The following AGBL1 variants were observed in gnomAD, a reference collection of about 807,000 sequenced individuals.
AGBL1 encodes AGBL carboxypeptidase 1, also known as cytosolic carboxypeptidase 4.
In AGBL1, 130 loss-of-function variants were observed where a neutral mutation model predicts 118.9. The observed-to-expected ratio is 1.09, with a 90% CI of 0.95 to 1.26. The LOEUF is 1.26. Ranked by LOEUF, AGBL1 falls within the 50% of genes most tolerant of loss-of-function variation. The pLI is 0.00. For missense variants in AGBL1, 1,584 were observed against 1,298.1 expected (o/e 1.22, Z -3.38); for synonymous variants, 555 against 478.9 (o/e 1.16, Z -2.08).
chr15:86,832,034 G>A (rs1473884583), intron 22 of AGBL1, among the ~76,000 whole-genome samples: 2 of 152,244 alleles, frequency 1.3e-5, no homozygotes, highest in East Asian at 1.9e-4. Context: ...CTTGGGGCTT[G>A]CACCCTCTGA....
chr15:86,572,186 G>C (rs958945015), intron 21 of AGBL1, among the ~76,000 whole-genome samples: 4 of 152,166 alleles, frequency 2.6e-5, no homozygotes, highest in Non-Finnish European at 2.9e-5. Context: ...CCCGCAGGGG[G>C]AAGTGCCGGC....
At chr15:86,573,814 A>T (rs2084043958) in intron 21 of AGBL1, among the ~76,000 whole-genome samples, 1 of 152,114 alleles carries the variant, frequency 6.6e-6, no homozygotes, top group Non-Finnish European at 1.5e-5. Context: ...AATGTTTCAA[A>T]CTCCTCAGAC....
At chr15:86,923,141 C>A (rs2080497011) in intron 23 of AGBL1, among the ~76,000 whole-genome samples, 1 of 152,160 alleles carries the variant, frequency 6.6e-6, no homozygotes, top group African/African-American at 2.4e-5. Context: ...CGCTCTCATC[C>A]CTTGTCTCTC....
At chr15:86,104,215 T>TACTCTGGC (rs2141511309) in intron 1 of AGBL1, among the ~76,000 whole-genome samples, 1 of 152,234 alleles carries the variant, frequency 6.6e-6, no homozygotes, top group South Asian at 2.1e-4. Context: ...GGTGGGTGTG[T>TACTCTGGC]CCTCTGGCCC....
At chr15:86,958,924 A>G (rs1258129474) in intron 23 of AGBL1, among the ~76,000 whole-genome samples, 2 of 152,186 alleles carry the variant, frequency 1.3e-5, no homozygotes, top group Non-Finnish European at 2.9e-5. Context: ...GAAGGAAGCA[A>G]ATATTGCAAA....
chr15:86,605,366 T>C (rs2084560909), intron 21 of AGBL1, among the ~76,000 whole-genome samples: 1 of 152,194 alleles, frequency 6.6e-6, no homozygotes, highest in African/African-American at 2.4e-5. Flanking sequence ...CAGCATGCTT[T>C]GCTTTTTGAT....
intron 17 of AGBL1, among the ~76,000 whole-genome samples, chr15:86,377,854 A>G (rs1020219873): frequency 6.6e-6 from 1 of 152,200 alleles, no homozygotes; most frequent in African/African-American, 2.4e-5. Context: ...TAACGTGAGC[A>G]GGTATTATTC....
chr15:86,765,054 A>T (rs1223875207), intron 22 of AGBL1, among the ~76,000 whole-genome samples: 1 of 151,948 alleles, frequency 6.6e-6, no homozygotes, highest in East Asian at 1.9e-4. Flanking sequence ...GGAAAAATCC[A>T]TTAGGTATAG....
intron 21 of AGBL1, among the ~76,000 whole-genome samples, chr15:86,612,708 A>T (rs934917461): frequency 6.6e-6 from 1 of 152,130 alleles, no homozygotes; most frequent in South Asian, 2.1e-4. Context: ...GAAAATTTGC[A>T]CTCGGTAGAG....
chr15:86,440,243 A>C (rs994946555), intron 18 of AGBL1, among the ~76,000 whole-genome samples: 5 of 152,170 alleles, frequency 3.3e-5, no homozygotes, highest in Admixed American at 1.3e-4. Context: ...TGCTATTTTC[A>C]TGAGGGATGG....
rs1310308649 is a variant in AGBL1 at position 86,913,397 on chromosome 15, C to A, written c.*6103C>A. ...GAAGACGGGACTCATCTCTCATTAG[C>A]ATGTGACATAAACTGTACTTGAAGT... On this transcript the variant is annotated 3_prime_UTR_variant, in exon 23 of 23. Transcript: ENST00000614907. 1 of 152,180 alleles carries A rather than the reference C, an allele frequency of 6.6e-6. No individual in the cohort carries two copies. The highest frequency in any genetic ancestry group is 1.5e-5 in the Non-Finnish European group (1 of 68,064). 9.4% of individuals were successfully genotyped at this position (152,180 alleles called of 1,614,324 possible).
chr15:86,420,015 G>A (rs1758977796), intron 18 of AGBL1, among the ~76,000 whole-genome samples: 1 of 152,214 alleles, frequency 6.6e-6, no homozygotes, highest in Non-Finnish European at 1.5e-5. Context: ...GCACCTGGGG[G>A]AAGGGGTGGC....
chr15:86,674,184 T>C, intron 21 of AGBL1, 89 bp from the exon 22 acceptor site: 2 of 1,217,178 alleles, frequency 1.6e-6, no homozygotes, highest in Admixed American at 2.2e-5. Context: ...AAAATGCCTG[T>C]GTGTAGAAGT....
chr15:86,545,839 C>G (rs1052699247), intron 19 of AGBL1, among the ~76,000 whole-genome samples, 163 bp from the exon 20 acceptor site: 2 of 152,138 alleles, frequency 1.3e-5, no homozygotes, highest in African/African-American at 4.8e-5. Context: ...CCAAAGACAC[C>G]AGTGATCCGC....
intron 21 of AGBL1, among the ~76,000 whole-genome samples, chr15:86,567,903 A>T (rs1359703648): frequency 1.3e-5 from 2 of 152,160 alleles, no homozygotes; most frequent in African/African-American, 4.8e-5. Context: ...GAGACCAGTT[A>T]CTGAGAGACT....
At chr15:86,396,583 A>G (rs951024094) in intron 17 of AGBL1, among the ~76,000 whole-genome samples, 1 of 152,102 alleles carries the variant, frequency 6.6e-6, no homozygotes, top group Non-Finnish European at 1.5e-5. Context: ...ACAGTCATGG[A>G]ATTCCAAAGA....
chr15:86,089,932 A>G (rs1046635990), intron 1 of AGBL1, among the ~76,000 whole-genome samples: 3 of 152,252 alleles, frequency 2.0e-5, no homozygotes, highest in Non-Finnish European at 2.9e-5. Context: ...TTTGCACTGC[A>G]GAAGAGGTTA....
At chr15:86,781,987 A>G (rs1001954279) in intron 22 of AGBL1, among the ~76,000 whole-genome samples, 8 of 151,962 alleles carry the variant, frequency 5.3e-5, no homozygotes, top group South Asian at 2.1e-4. Context: ...ATCACAATTT[A>G]TAGATCTTCT....
intron 17 of AGBL1, among the ~76,000 whole-genome samples, chr15:86,298,380 T>TTA (rs550336658): frequency 0.011 from 1,534 of 134,522 alleles, 25 homozygotes; most frequent in African/African-American, 0.039. Flanking sequence ...GAATATATTC[T>TTA]TATATATATA....
Sources: allele counts gnomAD v4.1 joint callset (sites outside exome capture counted in the v4.1 genomes callset), GRCh38; gene constraint gnomAD v4.1.1; transcripts MANE v1.5; gene names NCBI Gene and HGNC (gene_info 2026-07-23, HGNC 2026-07-21).